The following RPS6KA2 variants were observed in gnomAD, a reference collection of about 807,000 sequenced individuals.
The protein encoded by RPS6KA2 is ribosomal protein S6 kinase alpha-2.
Under a neutral mutation model 91.8 loss-of-function variants are expected in RPS6KA2, and 42 were observed. The ratio of observed to expected loss-of-function variants is 0.46; its 90% CI spans 0.36 to 0.59. The LOEUF is 0.59. RPS6KA2 is among the 20% of genes least tolerant of loss of function. RPS6KA2 has a pLI of 0.00. For missense variants in RPS6KA2, 798 were observed against 978.5 expected (o/e 0.82, Z 2.46); for synonymous variants, 414 against 393.6 (o/e 1.05, Z -0.61).
At chr6:166,555,833 C>T (rs2128503230) in intron 1 of RPS6KA2, among the ~76,000 whole-genome samples, 1 of 152,176 alleles carries the variant, frequency 6.6e-6, no homozygotes, top group Non-Finnish European at 1.5e-5. Flanking sequence ...GCTGCTGTCA[C>T]CTCACTTATA....
At chr6:166,510,594 T>C (rs1459158582) in intron 3 of RPS6KA2, among the ~76,000 whole-genome samples, 1 of 69,270 alleles carries the variant, frequency 1.4e-5, no homozygotes, top group Admixed American at 1.5e-4. Flanking sequence ...TATATATATA[T>C]ATATATATAT....
intron 2 of RPS6KA2, among the ~76,000 whole-genome samples, chr6:166,837,059 C>G (rs554380912): frequency 3.9e-5 from 6 of 152,216 alleles, no homozygotes; most frequent in Non-Finnish European, 8.8e-5. Flanking sequence ...GTGCCGCTCA[C>G]CTGGCCACAG....
Position 166,770,801 on chromosome 6 carries a change from TAAAA to T in RPS6KA2, c.123+87395_123+87398del. ...ATTGAAAAAGACTTCATGTTTAACT[TAAAA>T]AAAAAATGTAACTCACATAAGCATG... On this transcript the variant is annotated intron_variant, in intron 2 of 21. Coordinates refer to the RPS6KA2 transcript ENST00000503859. This position sits in a 1 kb window ranked among gnomAD's most constrained non-coding sequence, Gnocchi z 5.1. 1 of 1,324,194 alleles carries T rather than the reference TAAAA, an allele frequency of 7.6e-7. No individual in the cohort carries two copies. The highest frequency in any genetic ancestry group is 1.0e-6 in the Non-Finnish European group (1 of 982,324). The allele number at this position is 1,324,194 out of a possible 1,614,324, so 82.0% of individuals were successfully genotyped here. A position where few individuals can be genotyped will look rare whatever the true frequency, so the allele number is the denominator to read the frequency against.
chr6:166,765,503 T>C (rs555421861), intron 2 of RPS6KA2, among the ~76,000 whole-genome samples: 1 of 152,332 alleles, frequency 6.6e-6, no homozygotes, highest in Admixed American at 6.5e-5. Flanking sequence ...CTCCAAGACA[T>C]AGAGGCTCAA....
intron 2 of RPS6KA2, among the ~76,000 whole-genome samples, chr6:166,794,335 C>A (rs1378251362): frequency 6.6e-6 from 1 of 152,026 alleles, no homozygotes; most frequent in Non-Finnish European, 1.5e-5. Context: ...GAATGGCGAT[C>A]ATTAAAAAGT....
chr6:166,444,232 C>A (rs1779606412), intron 14 of RPS6KA2, among the ~76,000 whole-genome samples: 1 of 152,138 alleles, frequency 6.6e-6, no homozygotes, highest in Non-Finnish European at 1.5e-5. Context: ...TCCTTTTAAT[C>A]CTCCTGGATC....
At chr6:166,708,978 A>G (rs1478366388) in intron 2 of RPS6KA2, among the ~76,000 whole-genome samples, 2 of 152,204 alleles carry the variant, frequency 1.3e-5, no homozygotes, top group Non-Finnish European at 2.9e-5. Context: ...GAAGTGACAC[A>G]CCGCTCCGTG....
At chr6:166,535,515 T>C (rs1038397836) in intron 2 of RPS6KA2, among the ~76,000 whole-genome samples, 1 of 152,240 alleles carries the variant, frequency 6.6e-6, no homozygotes, top group African/African-American at 2.4e-5. Context: ...AACCTACAGT[T>C]CATTCTCCAG....
At chr6:166,551,710 G>T (rs1784027774) in intron 1 of RPS6KA2, among the ~76,000 whole-genome samples, 1 of 152,064 alleles carries the variant, frequency 6.6e-6, no homozygotes, top group South Asian at 2.1e-4. Context: ...AATTAGATAT[G>T]GTGCAAAGTT....
chr6:166,768,056 T>C (rs1384771225), intron 2 of RPS6KA2, among the ~76,000 whole-genome samples: 1 of 152,224 alleles, frequency 6.6e-6, no homozygotes, highest in African/African-American at 2.4e-5. Flanking sequence ...TTTTTCTTTG[T>C]TCAAGTCCCA....
At chr6:166,663,368 T>C (rs759724210) in intron 2 of RPS6KA2, among the ~76,000 whole-genome samples, 9 of 152,122 alleles carry the variant, frequency 5.9e-5, no homozygotes, top group Non-Finnish European at 1.3e-4. Context: ...GTGAATCTCA[T>C]AGTGCTCTGC....
chr6:166,773,503 G>A (rs531214520), intron 2 of RPS6KA2, among the ~76,000 whole-genome samples: 1 of 152,248 alleles, frequency 6.6e-6, no homozygotes, highest in South Asian at 2.1e-4. Flanking sequence ...CCAGGTTCCA[G>A]TGATTCTCCT....
At chr6:166,785,555 C>T (rs901191146) in intron 2 of RPS6KA2, among the ~76,000 whole-genome samples, 3 of 152,236 alleles carry the variant, frequency 2.0e-5, no homozygotes, top group Non-Finnish European at 4.4e-5. Flanking sequence ...GCTCCTGGTT[C>T]GAGAGCTCCA....
At chr6:166,730,199 G>GT (rs1211652580) in intron 2 of RPS6KA2, among the ~76,000 whole-genome samples, 1 of 152,168 alleles carries the variant, frequency 6.6e-6, no homozygotes, top group Non-Finnish European at 1.5e-5. Context: ...TCGCTCAACT[G>GT]TTTTGAATCT....
chr6:166,489,102 G>A (rs188146624), intron 9 of RPS6KA2, among the ~76,000 whole-genome samples, 181 bp from the exon 10 acceptor site: 2 of 152,282 alleles, frequency 1.3e-5, no homozygotes, highest in East Asian at 3.9e-4. Context: ...AAGAGCTTAT[G>A]TTTATGTGGG....
chr6:166,434,775 G>A lies in RPS6KA2; in HGVS notation c.1333-2285C>T, dbSNP rs537146880. On this transcript the variant is annotated intron_variant, in intron 14 of 20. Coordinates refer to ENST00000265678, the MANE Select transcript of RPS6KA2 (RefSeq NM_021135.6). This position sits in a 1 kb window ranked among gnomAD's most constrained non-coding sequence, Gnocchi z 4.4. Reference sequence around the variant, plus strand: ...AGAAAGTGGGAGCTTTTTCTCCACCGCCACGGACCATCTTCAAGATACAAG... The same window carrying A: ...AGAAAGTGGGAGCTTTTTCTCCACCACCACGGACCATCTTCAAGATACAAG... 5.9e-5 allele frequency among the ~76,000 whole-genome samples: 9 copies of A among 152,114 alleles called. No individual in the cohort carries two copies. Among genetic ancestry groups the A allele is most frequent in the African/African-American group, 1.7e-4 (7 of 41,416 alleles).
intron 1 of RPS6KA2, among the ~76,000 whole-genome samples, chr6:166,610,043 C>A (rs1293063673): frequency 6.6e-6 from 1 of 152,102 alleles, no homozygotes; most frequent in Non-Finnish European, 1.5e-5. Flanking sequence ...CTCCTATCTC[C>A]TCATTATATC....
At chr6:166,807,932 C>T (rs1442565712) in intron 2 of RPS6KA2, among the ~76,000 whole-genome samples, 2 of 152,118 alleles carry the variant, frequency 1.3e-5, no homozygotes, top group Non-Finnish European at 2.9e-5. Context: ...TATAATTTAA[C>T]TAATGAGGCA....
At chr6:166,565,485 C>T (rs1784472679) in intron 1 of RPS6KA2, among the ~76,000 whole-genome samples, 1 of 152,250 alleles carries the variant, frequency 6.6e-6, no homozygotes, top group Non-Finnish European at 1.5e-5. Flanking sequence ...GGCCTGGGCC[C>T]CGGCTGCCTC....
Sources: gnomAD v4.1 joint callset for allele counts (sites outside exome capture counted in the v4.1 genomes callset) on GRCh38, gnomAD v4.1.1 for gene constraint, Gnocchi (gnomAD v3.1) non-coding constraint, MANE v1.5 for transcripts, NCBI Gene and HGNC (gene_info 2026-07-23, HGNC 2026-07-21) for gene names.